GRM4: variants seen among roughly 807,000 people sequenced by gnomAD.
The protein encoded by GRM4 is glutamate metabotropic receptor 4, also known as metabotropic glutamate receptor 4.
Under a neutral mutation model 81.7 loss-of-function variants are expected in GRM4, and 28 were observed. The observed-to-expected ratio is 0.34, with a 90% CI of 0.25 to 0.47. The LOEUF is 0.47. Ranked by LOEUF, GRM4 falls within the 20% of genes least tolerant of loss-of-function variation. GRM4 has a pLI of 1.00. For missense variants in GRM4, 948 were observed against 1,290.0 expected (o/e 0.73, Z 4.06); for synonymous variants, 488 against 528.8 (o/e 0.92, Z 1.06).
intron 6 of GRM4, among the ~76,000 whole-genome samples, chr6:34,051,379 T>C (rs1227998016): frequency 6.6e-6 from 1 of 152,236 alleles, no homozygotes; most frequent in Non-Finnish European, 1.5e-5. Flanking sequence ...TTCACTATTA[T>C]TGTTGTCACT....
chr6:34,114,855 C>T lies in GRM4; in HGVS notation c.519+18123G>A, dbSNP rs1769525701. ...CAGGAAGGACCCAGATTTATTCACT[C>T]GGCAATCCTGCCCATCCCCACCACC... On this transcript the variant is annotated intron_variant, in intron 2 of 10. Transcript: ENST00000538487. This position sits in a 1 kb window ranked among gnomAD's most constrained non-coding sequence, Gnocchi z 4.3. 6.6e-6 allele frequency among the ~76,000 whole-genome samples: 1 copy of T among 152,158 alleles called. No homozygotes were observed. The highest frequency in any genetic ancestry group is 1.5e-5 in the Non-Finnish European group (1 of 68,038).
intron 1 of GRM4, among the ~76,000 whole-genome samples, chr6:34,134,767 T>A (rs57130098): frequency 0.022 from 3,401 of 152,134 alleles, 59 homozygotes; most frequent in African/African-American, 0.046. Flanking sequence ...GCTCGGGTTA[T>A]GGCCTGAGCT....
At position 34,042,163 on chromosome 6, in the gene GRM4, G is replaced by A. The variant is rs1455804495; in HGVS notation, c.1169-1415C>T. ...TAGCTGTAATCCCTGCTACTCAGGA[G>A]GCTGAGGCACAAGGATCACATGAAC... On this transcript the variant is annotated intron_variant, in intron 6 of 10. Coordinates refer to ENST00000538487, the MANE Select transcript of GRM4 (RefSeq NM_000841.4). The surrounding 1 kb of genome is among the most constrained non-coding windows in gnomAD (Gnocchi z 4.2). 1.3e-5 allele frequency among the ~76,000 whole-genome samples: 2 copies of A among 152,218 alleles called. No homozygotes were observed. The highest frequency in any genetic ancestry group is 4.8e-5 in the African/African-American group (2 of 41,454).
chr6:34,066,765 A>C (rs1766488636), intron 3 of GRM4, among the ~76,000 whole-genome samples: 2 of 152,068 alleles, frequency 1.3e-5, no homozygotes, highest in South Asian at 4.2e-4. Flanking sequence ...AATCAAGCAG[A>C]TGTGGCAACA....
At chr6:34,044,157 C>T (rs138369188) in intron 6 of GRM4, among the ~76,000 whole-genome samples, 1,870 of 137,196 alleles carry the variant, frequency 0.014, 28 homozygotes, top group Middle Eastern at 0.044. Context: ...CACATATATA[C>T]ACATACACAC....
intron 2 of GRM4, among the ~76,000 whole-genome samples, chr6:34,122,691 T>C (rs141365055): frequency 0.013 from 1,971 of 151,920 alleles, 28 homozygotes; most frequent in African/African-American, 0.031. Flanking sequence ...TGTTCCTCAG[T>C]TCCACACCAA....
At chr6:34,093,802 G>A (rs1016936240) in intron 2 of GRM4, among the ~76,000 whole-genome samples, 6 of 152,112 alleles carry the variant, frequency 3.9e-5, no homozygotes, top group Admixed American at 1.3e-4. Context: ...TCCCCTGTGG[G>A]AAAAGCCCAA....
chr6:34,111,896 A>G lies in GRM4; in HGVS notation c.520-19797T>C, dbSNP rs1769397932. Among the ~76,000 whole-genome samples the G allele has an allele frequency of 6.6e-6, 1 of 152,116 alleles. No homozygotes were observed. The highest frequency in any genetic ancestry group is 2.4e-5 in the African/African-American group (1 of 41,406). On this transcript the variant is annotated intron_variant, in intron 2 of 10. Coordinates refer to ENST00000538487, the MANE Select transcript of GRM4 (RefSeq NM_000841.4). The surrounding 1 kb of genome is among the most constrained non-coding windows in gnomAD (Gnocchi z 5.1). ...GTGTGGCCAGACCAGACGCACCCCCACCTGTTCCATTTCCTGATTGTCCAG... is the reference window on the plus strand; with the variant it reads ...GTGTGGCCAGACCAGACGCACCCCCGCCTGTTCCATTTCCTGATTGTCCAG...
In GRM4 at chr6:34,089,921, G is replaced by A. The variant is rs1190539050; in HGVS notation, c.736+1962C>T. 6.6e-6 allele frequency among the ~76,000 whole-genome samples: 1 copy of A among 152,120 alleles called. No individual in the cohort carries two copies. The highest frequency in any genetic ancestry group is 1.9e-4 in the East Asian group (1 of 5,186). Reference sequence around the variant, plus strand: ...GGCTGGCCCATGTGGGTCTCAGTGAGCACGCAAATGACAGAAGACAGAGAA... The same window carrying A: ...GGCTGGCCCATGTGGGTCTCAGTGAACACGCAAATGACAGAAGACAGAGAA... On this transcript the variant is annotated intron_variant, in intron 3 of 10. Transcript: ENST00000538487. The surrounding 1 kb of genome is among the most constrained non-coding windows in gnomAD (Gnocchi z 4.3).
rs191554071 is a variant in GRM4 at position 34,097,247 on chromosome 6, T to A, written c.520-5148A>T. On this transcript the variant is annotated intron_variant, in intron 2 of 10. Coordinates refer to ENST00000538487, the MANE Select transcript of GRM4 (RefSeq NM_000841.4). ...GCAGAGTGGCCAGAGAGACCTCTTT[T>A]ACAGTCTGTGTGAAGACCCCAGCAG... Among the ~76,000 whole-genome samples, 130 of 152,220 alleles carry A rather than the reference T, an allele frequency of 8.5e-4. 1 individual carries two copies. Among genetic ancestry groups the A allele is most frequent in the African/African-American group, 2.8e-3 (117 of 41,540 alleles).
rs1770656903 is a variant in GRM4 at position 34,140,834 on chromosome 6, A to G, written c.-364+5166T>C. ...CTCTCCTCCCTCTTCCTGTCCCCTC[A>G]ACAACCCAGCACTGCCCTGGAAAGC... On this transcript the variant is annotated intron_variant, in intron 1 of 10. Transcript: ENST00000538487. Among the ~76,000 whole-genome samples the G allele has an allele frequency of 2.0e-5, 3 of 152,298 alleles. No homozygotes were observed. In the South Asian group the frequency reaches 6.2e-4, roughly 32 times the overall value.
chr6:34,154,987 G>GGAC, intron 1 of GRM4: 1 of 1,099,322 alleles, frequency 9.1e-7, no homozygotes, highest in South Asian at 1.9e-5. Flanking sequence ...GGTCCGAGCG[G>GGAC]GACCCAGGCC....
intron 1 of GRM4, among the ~76,000 whole-genome samples, chr6:34,142,339 G>A (rs760140020): frequency 4.1e-4 from 63 of 152,204 alleles, no homozygotes; most frequent in Admixed American, 1.4e-3. Context: ...CAGCTGTCCA[G>A]GCTGCCAGTG....
At chr6:34,105,365 G>A (rs887053111) in intron 2 of GRM4, among the ~76,000 whole-genome samples, 5 of 152,106 alleles carry the variant, frequency 3.3e-5, no homozygotes, top group African/African-American at 9.7e-5. Flanking sequence ...GTGACCGGCC[G>A]GGCTGGGGGT....
chr6:34,086,949 C>T (rs1276407661), intron 3 of GRM4, among the ~76,000 whole-genome samples: 1 of 152,094 alleles, frequency 6.6e-6, no homozygotes, highest in Non-Finnish European at 1.5e-5. Context: ...TGGTGAGACC[C>T]CATCCCTACA....
At chr6:34,088,861 T>G (rs1044367192) in intron 3 of GRM4, among the ~76,000 whole-genome samples, 3 of 152,168 alleles carry the variant, frequency 2.0e-5, no homozygotes, top group Non-Finnish European at 4.4e-5. Flanking sequence ...CCAGAGCATG[T>G]GTAGACAAGG....
chr6:34,142,263 C>T (rs1770723561), intron 1 of GRM4, among the ~76,000 whole-genome samples: 1 of 152,162 alleles, frequency 6.6e-6, no homozygotes, highest in African/African-American at 2.4e-5. Flanking sequence ...ATGCCTTCTT[C>T]AGGAGGCAAA....
At chr6:34,132,295 G>A (rs905058787) in intron 2 of GRM4, among the ~76,000 whole-genome samples, 1 of 152,022 alleles carries the variant, frequency 6.6e-6, no homozygotes, top group Non-Finnish European at 1.5e-5. Context: ...AACAGAGACC[G>A]CCTACTCTCT....
At chr6:34,145,381 G>C (rs1192391072) in intron 1 of GRM4, among the ~76,000 whole-genome samples, 1 of 152,160 alleles carries the variant, frequency 6.6e-6, no homozygotes. Flanking sequence ...CCCTGCTCCT[G>C]CTGCGGCGGA....
Sources: allele counts gnomAD v4.1 joint callset (sites outside exome capture counted in the v4.1 genomes callset), GRCh38; gene constraint gnomAD v4.1.1; non-coding constraint Gnocchi (gnomAD v3.1); transcripts MANE v1.5; gene names NCBI Gene and HGNC (gene_info 2026-07-23, HGNC 2026-07-21).